Variants in TBC1D22A observed in about 807,000 individuals in gnomAD.
TBC1D22A encodes the protein TBC1 domain family member 22A.
A neutral mutation model predicts 60.2 loss-of-function variants in TBC1D22A; 38 were observed. The ratio of observed to expected loss-of-function variants is 0.63; its 90% CI spans 0.49 to 0.83. The LOEUF is 0.83. Among genes scored for constraint, TBC1D22A ranks in the 40% least tolerant of loss-of-function variants. The pLI is 0.00. For synonymous variants in TBC1D22A, 302 were observed against 281.7 expected (o/e 1.07, Z -0.72); for missense variants, 628 against 701.0 (o/e 0.90, Z 1.18).
In TBC1D22A at chr22:46,833,938, GTC is replaced by G. The variant is rs1011514650; in HGVS notation, c.637+36324_637+36325del. On this transcript the variant is annotated intron_variant, in intron 4 of 12. Coordinates refer to ENST00000337137, the MANE Select transcript of TBC1D22A (RefSeq NM_014346.5). ...GGAATTGGGTTTTTGTTCCCATTTG[GTC>G]TCTCTGCCAGATGCCTTAACATTTT... 2.6e-5 allele frequency among the ~76,000 whole-genome samples: 4 copies of G among 152,186 alleles called. No homozygotes were observed. In the East Asian group the frequency reaches 7.7e-4, roughly 29 times the overall value.
At chr22:46,973,419 C>A (rs1438043686) in intron 8 of TBC1D22A, among the ~76,000 whole-genome samples, 1 of 152,198 alleles carries the variant, frequency 6.6e-6, no homozygotes, top group East Asian at 1.9e-4. Flanking sequence ...GTCAGCAGAC[C>A]CCGGTCAACA....
In TBC1D22A at chr22:46,990,111, G is replaced by T. The variant is rs1039809712; in HGVS notation, c.1126-7523G>T. Among the ~76,000 whole-genome samples the T allele has an allele frequency of 1.3e-5, 2 of 152,210 alleles. No homozygotes were observed. The highest frequency in any genetic ancestry group is 2.4e-5 in the African/African-American group (1 of 41,454). On this transcript the variant is annotated intron_variant, in intron 9 of 12. Transcript: ENST00000337137. This position sits in a 1 kb window ranked among gnomAD's most constrained non-coding sequence, Gnocchi z 4.6. ...GCGCCACCGCGCCCGGCCGCAAAATGTAAGTTTTATTTAAAATGAACTCTT... is the reference window on the plus strand; with the variant it reads ...GCGCCACCGCGCCCGGCCGCAAAATTTAAGTTTTATTTAAAATGAACTCTT...
chr22:46,995,149 G>C (rs1464453440), intron 9 of TBC1D22A, among the ~76,000 whole-genome samples: 3 of 152,140 alleles, frequency 2.0e-5, no homozygotes, highest in Non-Finnish European at 4.4e-5. Context: ...ACGACATCTA[G>C]GAAACATATC....
intron 9 of TBC1D22A, among the ~76,000 whole-genome samples, chr22:46,987,764 C>T (rs1018672200): frequency 2.6e-5 from 4 of 152,046 alleles, no homozygotes; most frequent in Non-Finnish European, 4.4e-5. Flanking sequence ...TGGTGGTTGC[C>T]GAAGTTGGGG....
chr22:46,894,538 G>C (rs146745069), intron 6 of TBC1D22A, among the ~76,000 whole-genome samples: 18 of 152,276 alleles, frequency 1.2e-4, no homozygotes, highest in African/African-American at 4.1e-4. Flanking sequence ...ATGCAGCAAC[G>C]GCTGCTGGAT....
At chr22:46,903,637 T>C (rs4823890) in intron 7 of TBC1D22A, among the ~76,000 whole-genome samples, 62,897 of 151,924 alleles carry the variant, frequency 0.41, 13,584 homozygotes, top group East Asian at 0.64. Context: ...CCTCAATGTT[T>C]TGCAGCAGCC....
At chr22:46,887,580 G>A (rs114996850) in intron 5 of TBC1D22A, among the ~76,000 whole-genome samples, 1,732 of 152,324 alleles carry the variant, frequency 0.011, 30 homozygotes, top group African/African-American at 0.04. Flanking sequence ...CGACAGTGGA[G>A]GAAGGAACTA....
intron 4 of TBC1D22A, among the ~76,000 whole-genome samples, chr22:46,802,233 G>A (rs1166233069): frequency 3.3e-5 from 5 of 152,340 alleles, no homozygotes; most frequent in African/African-American, 9.6e-5. Flanking sequence ...CGAGGCTTGC[G>A]AGGGCCCTGC....
At chr22:47,162,364 G>C (rs1321753607) in intron 12 of TBC1D22A, among the ~76,000 whole-genome samples, 1 of 152,090 alleles carries the variant, frequency 6.6e-6, no homozygotes, top group Non-Finnish European at 1.5e-5. Context: ...TTCAATCTCA[G>C]GTCCCCGTGG....
intron 12 of TBC1D22A, among the ~76,000 whole-genome samples, chr22:47,136,087 G>A (rs145524531): frequency 9.2e-4 from 140 of 152,340 alleles, no homozygotes; most frequent in African/African-American, 3.0e-3. Context: ...AGAACCTCAC[G>A]TACGGAGGGA....
chr22:47,173,732 G>T lies in TBC1D22A; in HGVS notation c.*106G>T. On this transcript the variant is annotated 3_prime_UTR_variant, in exon 13 of 13. Coordinates refer to ENST00000337137, the MANE Select transcript of TBC1D22A (RefSeq NM_014346.5). ...TGGTCCCGGGCTGCTAAAAGGCCTT[G>T]TGAGGTGGCCCCACCCTCCAGGGGA... The T allele has an allele frequency of 6.5e-7, 1 of 1,542,062 alleles. No individual in the cohort carries two copies. Among genetic ancestry groups the T allele is most frequent in the Middle Eastern group, 1.8e-4 (1 of 5,562 alleles).
intron 1 of TBC1D22A, among the ~76,000 whole-genome samples, chr22:46,772,107 A>G (rs1267808711): frequency 7.4e-5 from 9 of 121,344 alleles, no homozygotes; most frequent in African/African-American, 2.2e-4. Context: ...ACATATACAT[A>G]TATATGTATA....
intron 7 of TBC1D22A, among the ~76,000 whole-genome samples, chr22:46,905,798 G>C (rs1238512096): frequency 2.0e-5 from 3 of 152,366 alleles, no homozygotes; most frequent in Admixed American, 2.0e-4. Flanking sequence ...GCAGGAATCA[G>C]TGGTCCTTCT....
chr22:47,169,089 C>T (rs2068324584), intron 12 of TBC1D22A, among the ~76,000 whole-genome samples: 1 of 152,226 alleles, frequency 6.6e-6, no homozygotes, highest in Admixed American at 6.5e-5. Flanking sequence ...CTGTGTGGTC[C>T]ATGGGGGGAA....
At chr22:46,835,267 T>C (rs1388156852) in intron 4 of TBC1D22A, among the ~76,000 whole-genome samples, 1 of 152,252 alleles carries the variant, frequency 6.6e-6, no homozygotes, top group Non-Finnish European at 1.5e-5. Flanking sequence ...AACTTTTCAG[T>C]AACTGATCCC....
At chr22:46,968,024 C>T (rs1281466550) in intron 8 of TBC1D22A, among the ~76,000 whole-genome samples, 2 of 152,186 alleles carry the variant, frequency 1.3e-5, no homozygotes, top group Non-Finnish European at 2.9e-5. Context: ...GGTGGGGGGC[C>T]GTGAGGGAAA....
chr22:46,910,241 G>T (rs185543756), intron 7 of TBC1D22A, among the ~76,000 whole-genome samples: 2 of 152,166 alleles, frequency 1.3e-5, no homozygotes, highest in African/African-American at 4.8e-5. Flanking sequence ...GCATGCTAGC[G>T]TGGGGTGGCG....
chr22:46,878,543 T>C lies in TBC1D22A; in HGVS notation c.638-110T>C, dbSNP rs1386247707. On this transcript the variant is annotated intron_variant, in intron 4 of 12. Transcript: ENST00000337137. The stretch of plus-strand genomic sequence containing the variant: ...TGTTGATGATTTAGTTTAATTTGTT[T>C]ATGGGGCTCCTTGCCTCCTAATTAA... 8.2e-6 allele frequency: 7 copies of C among 848,890 alleles called. No individual in the cohort carries two copies. In the South Asian group the frequency reaches 9.7e-5, roughly 12 times the overall value. 52.6% of individuals were successfully genotyped at this position (848,890 alleles called of 1,614,324 possible). A position where few individuals can be genotyped will look rare whatever the true frequency, so the allele number is the denominator to read the frequency against.
At chr22:46,920,375 AGCTCAAAGCTGGGTATTCT>A (rs112504008) in intron 8 of TBC1D22A, among the ~76,000 whole-genome samples, 5,431 of 152,024 alleles carry the variant, frequency 0.036, 321 homozygotes, top group African/African-American at 0.12. Flanking sequence ...CACTGTGCCT[AGCTCAAAGCTGGGTATTCT>A]CCCATTCTAA....
Sources: gnomAD v4.1 joint callset for allele counts (sites outside exome capture counted in the v4.1 genomes callset) on GRCh38, gnomAD v4.1.1 for gene constraint, Gnocchi (gnomAD v3.1) non-coding constraint, MANE v1.5 for transcripts, NCBI Gene and HGNC (gene_info 2026-07-23, HGNC 2026-07-21) for gene names.